Variants in TRAPPC9 observed in about 807,000 individuals in gnomAD.
TRAPPC9 encodes the protein trafficking protein particle complex subunit 9.
Under a neutral mutation model 124.0 loss-of-function variants are expected in TRAPPC9, and 83 were observed. The ratio of observed to expected loss-of-function variants is 0.67; its 90% confidence interval spans 0.56 to 0.80. TRAPPC9 has a LOEUF of 0.80. TRAPPC9 is among the 30% of genes least tolerant of loss of function. The pLI is 0.00. For missense variants in TRAPPC9, 1,302 were observed against 1,508.3 expected (o/e 0.86, Z 2.27); for synonymous variants, 638 against 617.5 (o/e 1.03, Z -0.49).
At chr8:139,953,840 T>C (rs1425357591) in intron 19 of TRAPPC9, among the ~76,000 whole-genome samples, 1 of 152,188 alleles carries the variant, frequency 6.6e-6, no homozygotes, top group Non-Finnish European at 1.5e-5. Context: ...TACAATGATA[T>C]CTACTCATGA....
chr8:140,341,859 T>C (rs1488604641), intron 9 of TRAPPC9, among the ~76,000 whole-genome samples: 1 of 152,048 alleles, frequency 6.6e-6, no homozygotes, highest in Non-Finnish European at 1.5e-5. Context: ...GCACAGCAGC[T>C]AAGTCTCTCT....
chr8:140,134,276 T>TC (rs2061258759), intron 17 of TRAPPC9, among the ~76,000 whole-genome samples: 3 of 152,052 alleles, frequency 2.0e-5, no homozygotes, highest in Admixed American at 2.0e-4. Context: ...TCTTTTTTTT[T>TC]TCTTTTCCGG....
chr8:140,151,577 C>G (rs752440734), intron 17 of TRAPPC9, among the ~76,000 whole-genome samples: 1 of 152,112 alleles, frequency 6.6e-6, no homozygotes, highest in South Asian at 2.1e-4. Context: ...TATGAGGACA[C>G]CAGGCACATT....
chr8:139,806,864 G>A (rs945148345), intron 21 of TRAPPC9, among the ~76,000 whole-genome samples: 4 of 152,320 alleles, frequency 2.6e-5, no homozygotes, highest in Admixed American at 1.3e-4. Flanking sequence ...GTGTGCACAC[G>A]CACGGGGGAG....
Position 139,986,229 on chromosome 8 carries a change from C to T in TRAPPC9, c.2810+2497G>A, listed in dbSNP as rs528736495. The stretch of plus-strand genomic sequence containing the variant: ...CTGCACTCCAGCCTGGGTGACAGAG[C>T]GAGATTCTGTATCAAAAAAACAAAA... On this transcript the variant is annotated intron_variant, in intron 19 of 22. Transcript: ENST00000438773. Among the ~76,000 whole-genome samples, 21 of 152,022 alleles carry T rather than the reference C, an allele frequency of 1.4e-4. No homozygotes were observed. In the South Asian group the frequency reaches 1.9e-3, roughly 14 times the overall value.
intron 21 of TRAPPC9, among the ~76,000 whole-genome samples, chr8:139,809,168 C>T (rs1262741341): frequency 6.6e-6 from 1 of 152,220 alleles, no homozygotes; most frequent in African/African-American, 2.4e-5. Context: ...TAACTTGTCC[C>T]ACTTAGCATT....
chr8:139,958,136 T>G (rs1438714103), intron 19 of TRAPPC9, among the ~76,000 whole-genome samples: 1 of 152,126 alleles, frequency 6.6e-6, no homozygotes, highest in Non-Finnish European at 1.5e-5. Context: ...ACTGCAGGCA[T>G]GAGGACAGCA....
Position 140,451,376 on chromosome 8 carries a change from T to G in TRAPPC9, c.-3A>C, listed in dbSNP as rs1564033348. The G allele has an allele frequency of 1.2e-6, 2 of 1,601,178 alleles. No homozygotes were observed. Among genetic ancestry groups the G allele is most frequent in the South Asian group, 1.1e-5 (1 of 90,984 alleles). On this transcript the variant is annotated 5_prime_UTR_variant, in exon 2 of 23. Transcript: ENST00000438773. ...TGCATGTAGTCAGGGACGCTCATTT[T>G]GAAGTCCCTGTTCAGAGAGAAGAAA...
intron 17 of TRAPPC9, among the ~76,000 whole-genome samples, chr8:140,107,135 A>G (rs1351457053): frequency 6.6e-6 from 1 of 152,170 alleles, no homozygotes; most frequent in Admixed American, 6.5e-5. Flanking sequence ...GGACCACCAT[A>G]CTACAGGCAT....
intron 17 of TRAPPC9, among the ~76,000 whole-genome samples, chr8:140,181,767 C>T (rs1272732233): frequency 6.6e-6 from 1 of 152,098 alleles, no homozygotes; most frequent in Non-Finnish European, 1.5e-5. Flanking sequence ...CCTGTAGATT[C>T]CCCCTCATGG....
chr8:140,285,810 A>C (rs2065466197), intron 13 of TRAPPC9, among the ~76,000 whole-genome samples: 1 of 151,716 alleles, frequency 6.6e-6, no homozygotes, highest in Non-Finnish European at 1.5e-5. Flanking sequence ...GTCCATGCCC[A>C]GAGTCATTCG....
chr8:139,832,835 G>C (rs1826079256), intron 21 of TRAPPC9, among the ~76,000 whole-genome samples: 1 of 152,158 alleles, frequency 6.6e-6, no homozygotes, highest in Non-Finnish European at 1.5e-5. Flanking sequence ...TCCTCCCCAT[G>C]AGGGTGTGGG....
At chr8:139,957,040 T>G (rs1423850154) in intron 19 of TRAPPC9, among the ~76,000 whole-genome samples, 3 of 152,234 alleles carry the variant, frequency 2.0e-5, no homozygotes. Flanking sequence ...AAAATCGCAT[T>G]CCACACAGAG....
intron 20 of TRAPPC9, among the ~76,000 whole-genome samples, chr8:139,896,435 C>T (rs1830673357): frequency 6.6e-6 from 1 of 152,200 alleles, no homozygotes; most frequent in Non-Finnish European, 1.5e-5. Flanking sequence ...CTTCTCACTG[C>T]AATACTCACC....
intron 17 of TRAPPC9, among the ~76,000 whole-genome samples, chr8:140,174,385 T>TAA (rs11428278): frequency 6.6e-6 from 1 of 151,742 alleles, no homozygotes; most frequent in East Asian, 1.9e-4. Context: ...ACGTAAAAGT[T>TAA]AAAAAATAAA....
At chr8:139,840,483 A>G (rs1826653510) in intron 21 of TRAPPC9, among the ~76,000 whole-genome samples, 1 of 152,252 alleles carries the variant, frequency 6.6e-6, no homozygotes, top group Non-Finnish European at 1.5e-5. Flanking sequence ...AGGCAAAGGA[A>G]CTAACTTAGC....
intron 17 of TRAPPC9, among the ~76,000 whole-genome samples, chr8:140,187,648 A>C (rs1205968581): frequency 6.6e-6 from 1 of 151,936 alleles, no homozygotes; most frequent in Non-Finnish European, 1.5e-5. Context: ...AAAGATACCA[A>C]CTTCTCCTCG....
intron 21 of TRAPPC9, among the ~76,000 whole-genome samples, chr8:139,780,394 T>G (rs1013582750): frequency 6.6e-6 from 1 of 152,058 alleles, no homozygotes; most frequent in Admixed American, 6.6e-5. Flanking sequence ...TATCATAAAC[T>G]CTGACAAAGG....
At chr8:139,757,848 T>G (rs530875338) in intron 21 of TRAPPC9, among the ~76,000 whole-genome samples, 29 of 152,266 alleles carry the variant, frequency 1.9e-4, no homozygotes, top group African/African-American at 6.7e-4. Context: ...CGCCTCCCTG[T>G]CCAAGGGGGA....
Sources: allele counts gnomAD v4.1 joint callset (sites outside exome capture counted in the v4.1 genomes callset), GRCh38; gene constraint gnomAD v4.1.1; transcripts MANE v1.5; gene names NCBI Gene and HGNC (gene_info 2026-07-23, HGNC 2026-07-21).